Variants in PACRG observed in about 807,000 individuals in gnomAD.
PACRG encodes the protein parkin coregulated, also known as parkin coregulated gene protein.
A neutral mutation model predicts 29.7 loss-of-function variants in PACRG; 29 were observed. The observed-to-expected ratio is 0.98, with a 90% CI of 0.73 to 1.33. The LOEUF (loss-of-function observed/expected upper bound fraction) is 1.33. Ranked by LOEUF, PACRG falls within the 40% of genes most tolerant of loss-of-function variation. The pLI is 0.00. For missense variants in PACRG, 279 were observed against 316.2 expected, an observed-to-expected ratio of 0.88 and a Z score of 0.89; for synonymous variants, 116 against 118.7, an observed-to-expected ratio of 0.98 and a Z score of 0.15.
intron 3 of PACRG, among the ~76,000 whole-genome samples, chr6:163,068,358 T>G (rs987206783): frequency 2.0e-5 from 3 of 152,218 alleles, no homozygotes; most frequent in Admixed American, 6.5e-5. Flanking sequence ...CTTATGTTGC[T>G]TTGAAAATCT....
chr6:163,309,901 C>A (rs1413616765), intron 4 of PACRG: 1 of 152,174 alleles, frequency 6.6e-6, no homozygotes, highest in African/African-American at 2.4e-5. Context: ...TTAGGATTTT[C>A]TTAGTCATTA....
intron 4 of PACRG, among the ~76,000 whole-genome samples, chr6:163,296,419 C>T (rs139295883): frequency 3.3e-5 from 5 of 152,072 alleles, no homozygotes; most frequent in Admixed American, 6.5e-5. Context: ...CTCAGCCTCC[C>T]GAGTAGCTGG....
In PACRG at chr6:162,814,278, G is replaced by T; in HGVS notation, c.288G>T (p.Trp96Cys). 6.2e-7 allele frequency: 1 copy of T among 1,613,656 alleles called. No homozygotes were observed. Among genetic ancestry groups the T allele is most frequent in the Non-Finnish European group, 8.5e-7 (1 of 1,179,670 alleles). The change falls in exon 2 of 5, where the codon TGG becomes TGT. Residue 96 changes from tryptophan (W) to cysteine (C), a missense_variant. Coordinates refer to ENST00000366888, the MANE Select transcript of PACRG (RefSeq NM_001080379.2). ...ATTCGAAAGGAAACAAAATCGCCTGGAAGGTAAGTCAGGGCACAGCTGTGC... is the reference window on the plus strand; with the variant it reads ...ATTCGAAAGGAAACAAAATCGCCTGTAAGGTAAGTCAGGGCACAGCTGTGC... ...EHDSKGNKIAWKVEIEKLDYH... is the reference protein window; with the variant it reads ...EHDSKGNKIACKVEIEKLDYH...
At chr6:163,252,560 C>A (rs559428859) in intron 4 of PACRG, among the ~76,000 whole-genome samples, 44 of 152,264 alleles carry the variant, frequency 2.9e-4, no homozygotes, top group South Asian at 6.2e-4. Flanking sequence ...GTGCTGCAGG[C>A]GGGGCTCACC....
At chr6:162,752,938 G>A (rs1358392839) in intron 1 of PACRG, among the ~76,000 whole-genome samples, 1 of 151,896 alleles carries the variant, frequency 6.6e-6, no homozygotes. Flanking sequence ...ATGTATTTAT[G>A]TATTTATTTA....
chr6:163,230,739 C>T (rs371851362), intron 4 of PACRG, among the ~76,000 whole-genome samples: 5 of 152,280 alleles, frequency 3.3e-5, no homozygotes, highest in African/African-American at 1.2e-4. Context: ...AAATGAAGAA[C>T]GCAGGATGGT....
intron 4 of PACRG, chr6:163,101,450 A>G (rs1037706900): frequency 2.2e-6 from 2 of 924,316 alleles, no homozygotes; most frequent in Admixed American, 1.2e-4. Flanking sequence ...TATAAATATG[A>G]TAAACAATCA....
At chr6:163,260,559 C>T (rs369335312) in intron 4 of PACRG, among the ~76,000 whole-genome samples, 6 of 152,310 alleles carry the variant, frequency 3.9e-5, no homozygotes, top group African/African-American at 1.4e-4. Context: ...GTTGCCAATC[C>T]GTGGGCTCCC....
chr6:162,814,313 G>A (rs1787142343), intron 2 of PACRG, 32 bp downstream of exon 2: 1 of 1,608,288 alleles, frequency 6.2e-7, no homozygotes, highest in South Asian at 1.1e-5. Flanking sequence ...CCGGCCAGCT[G>A]CACCCGCTGA....
chr6:163,068,157 C>T (rs1811718426), intron 3 of PACRG, among the ~76,000 whole-genome samples: 1 of 152,186 alleles, frequency 6.6e-6, no homozygotes, highest in South Asian at 2.1e-4. Context: ...CTTTCCTTAG[C>T]TCTTTGTCTT....
At chr6:163,174,137 A>G (rs1377767498) in intron 4 of PACRG, among the ~76,000 whole-genome samples, 1 of 152,242 alleles carries the variant, frequency 6.6e-6, no homozygotes, top group Non-Finnish European at 1.5e-5. Context: ...AGGAATACCC[A>G]ATCTTTTGGC....
chr6:163,148,569 A>G (rs1378897134), intron 4 of PACRG, among the ~76,000 whole-genome samples: 1 of 152,112 alleles, frequency 6.6e-6, no homozygotes, highest in Non-Finnish European at 1.5e-5. Flanking sequence ...ACATCCATAC[A>G]TTCCTCTTCA....
intron 4 of PACRG, among the ~76,000 whole-genome samples, chr6:163,108,878 A>G (rs498325): frequency 0.44 from 66,608 of 152,032 alleles, 15,067 homozygotes; most frequent in African/African-American, 0.56. Context: ...TGTATTCATC[A>G]AAATCAATAC....
At chr6:163,010,106 C>T (rs1805471775) in intron 2 of PACRG, among the ~76,000 whole-genome samples, 1 of 151,584 alleles carries the variant, frequency 6.6e-6, no homozygotes, top group Non-Finnish European at 1.5e-5. Flanking sequence ...CTGCGATTCC[C>T]TTAGCAACAT....
intron 2 of PACRG, among the ~76,000 whole-genome samples, chr6:163,028,829 C>T (rs1234301118): frequency 1.3e-5 from 2 of 152,156 alleles, no homozygotes; most frequent in African/African-American, 4.8e-5. Context: ...TAACAATTTT[C>T]TTATAAATTT....
intron 4 of PACRG, among the ~76,000 whole-genome samples, chr6:163,311,213 T>C (rs1785400805): frequency 6.6e-6 from 1 of 152,216 alleles, no homozygotes; most frequent in Non-Finnish European, 1.5e-5. Flanking sequence ...CTCGTTCTCC[T>C]CTGCCTGCCT....
At chr6:162,838,515 T>C (rs1789447049) in intron 2 of PACRG, among the ~76,000 whole-genome samples, 1 of 152,160 alleles carries the variant, frequency 6.6e-6, no homozygotes, top group Admixed American at 6.5e-5. Flanking sequence ...TCCAGCTGTG[T>C]ACCTCAAAGG....
chr6:163,094,169 C>T (rs561216), intron 4 of PACRG, among the ~76,000 whole-genome samples: 38,119 of 152,002 alleles, frequency 0.25, 5,058 homozygotes, highest in East Asian at 0.51. Flanking sequence ...GCAACAAAAC[C>T]TTCAGTTTTT....
At chr6:162,896,097 T>A (rs1253180754) in intron 2 of PACRG, among the ~76,000 whole-genome samples, 2 of 152,156 alleles carry the variant, frequency 1.3e-5, no homozygotes, top group African/African-American at 4.8e-5. Context: ...GCCGAAAGGA[T>A]CACTGATTGC....
Sources: allele counts gnomAD v4.1 joint callset (sites outside exome capture counted in the v4.1 genomes callset), GRCh38; gene constraint gnomAD v4.1.1; transcripts MANE v1.5; gene names NCBI Gene and HGNC (gene_info 2026-07-23, HGNC 2026-07-21).